Variants in GSG1L observed in about 807,000 individuals in gnomAD.
GSG1L encodes the protein GSG1 like.
GSG1L carries 24 observed loss-of-function variants against 42.1 expected under a neutral mutation model. That is an observed-to-expected ratio of 0.57 (90% CI 0.41 to 0.80). The LOEUF (loss-of-function observed/expected upper bound fraction) is 0.80. Ranked by LOEUF, GSG1L falls within the 30% of genes least tolerant of loss-of-function variation. GSG1L has a pLI of 0.00. For synonymous variants in GSG1L, 215 were observed against 203.5 expected (o/e 1.06, Z -0.48); for missense variants, 445 against 472.2 (o/e 0.94, Z 0.53).
chr16:27,888,512 T>C (rs1429775252), intron 2 of GSG1L, among the ~76,000 whole-genome samples: 27 of 15,824 alleles, frequency 1.7e-3, no homozygotes, highest in Non-Finnish European at 2.2e-3. Context: ...TCTTTCTTTC[T>C]TTCTTTCTTT....
At chr16:27,977,213 G>A (rs1393293315) in intron 1 of GSG1L, among the ~76,000 whole-genome samples, 5 of 152,352 alleles carry the variant, frequency 3.3e-5, no homozygotes, top group African/African-American at 1.2e-4. Flanking sequence ...CTATGTGGCA[G>A]AATCAGGATC....
chr16:28,026,237 A>G (rs1158202921), intron 1 of GSG1L, among the ~76,000 whole-genome samples: 1 of 152,188 alleles, frequency 6.6e-6, no homozygotes, highest in African/African-American at 2.4e-5. Flanking sequence ...AGCACCCGGT[A>G]TATCACGGGA....
intron 1 of GSG1L, among the ~76,000 whole-genome samples, chr16:27,965,917 G>C (rs924391808): frequency 6.6e-6 from 1 of 152,118 alleles, no homozygotes; most frequent in Non-Finnish European, 1.5e-5. Flanking sequence ...CTAAGTCCTC[G>C]CTGTGGCCTG....
intron 2 of GSG1L, among the ~76,000 whole-genome samples, chr16:27,911,720 T>C (rs1350341930): frequency 1.3e-5 from 2 of 152,160 alleles, no homozygotes; most frequent in African/African-American, 4.8e-5. Context: ...TCCACTCCTT[T>C]GATCTTTGCT....
At chr16:27,844,469 G>T (rs1231048106) in intron 4 of GSG1L, among the ~76,000 whole-genome samples, 1 of 151,988 alleles carries the variant, frequency 6.6e-6, no homozygotes, top group Non-Finnish European at 1.5e-5. Context: ...TCTTAGGCAG[G>T]GGTCGGCAGG....
intron 1 of GSG1L, among the ~76,000 whole-genome samples, chr16:28,023,625 G>A (rs1173132148): frequency 6.6e-6 from 1 of 152,174 alleles, no homozygotes; most frequent in Non-Finnish European, 1.5e-5. Flanking sequence ...TTGTCAAAGT[G>A]TTCCTCTTTC....
intron 2 of GSG1L, among the ~76,000 whole-genome samples, chr16:27,921,158 T>C (rs1348487307): frequency 6.6e-6 from 1 of 152,234 alleles, no homozygotes; most frequent in Non-Finnish European, 1.5e-5. Context: ...AATATGCACC[T>C]GCACAGCCAT....
chr16:27,867,395 A>G (rs2083742047), intron 3 of GSG1L, among the ~76,000 whole-genome samples: 1 of 152,182 alleles, frequency 6.6e-6, no homozygotes, highest in Non-Finnish European at 1.5e-5. Flanking sequence ...GACCTGGCAC[A>G]TTGACAAAGA....
chr16:27,956,887 T>C (rs2085011838), intron 2 of GSG1L, among the ~76,000 whole-genome samples: 1 of 152,100 alleles, frequency 6.6e-6, no homozygotes, highest in African/African-American at 2.4e-5. Context: ...TTATTGTTGG[T>C]CTTACTGGCC....
intron 6 of GSG1L, among the ~76,000 whole-genome samples, chr16:27,801,375 T>A (rs976648556): frequency 2.6e-5 from 4 of 152,162 alleles, no homozygotes; most frequent in African/African-American, 9.7e-5. Flanking sequence ...AGCCATCAAA[T>A]GAGATGGCAG....
chr16:27,926,321 C>G (rs1475276301), intron 2 of GSG1L, among the ~76,000 whole-genome samples: 2 of 152,100 alleles, frequency 1.3e-5, no homozygotes, highest in Non-Finnish European at 2.9e-5. Context: ...TAGTCCTGGT[C>G]CCTGCCGTTG....
chr16:27,990,061 T>C lies in GSG1L; in HGVS notation c.350-26858A>G, dbSNP rs375077615. 1.3e-3 allele frequency among the ~76,000 whole-genome samples: 194 copies of C among 152,322 alleles called. 2 individuals are homozygous for C. The South Asian group carries it at 0.034, about 26-fold the overall frequency. Reference sequence around the variant, plus strand: ...AGGCTAGTAGAAACGTCCAGGGCTCTTAATTAGCTGATGTGTTTATGAGGA... The same window carrying C: ...AGGCTAGTAGAAACGTCCAGGGCTCCTAATTAGCTGATGTGTTTATGAGGA... On this transcript the variant is annotated intron_variant, in intron 1 of 6. Transcript: ENST00000447459.
intron 2 of GSG1L, among the ~76,000 whole-genome samples, chr16:27,915,301 A>G (rs12444205): frequency 0.056 from 8,538 of 151,966 alleles, 406 homozygotes; most frequent in East Asian, 0.16. Context: ...GGGGCAGAAG[A>G]GCCAAGGGAG....
intron 2 of GSG1L, among the ~76,000 whole-genome samples, chr16:27,952,639 T>C (rs2084962750): frequency 6.6e-6 from 1 of 152,218 alleles, no homozygotes; most frequent in Non-Finnish European, 1.5e-5. Context: ...TGCTGGGCCA[T>C]AAATGCCAGG....
intron 1 of GSG1L, among the ~76,000 whole-genome samples, chr16:27,963,806 G>A (rs2085097894): frequency 6.6e-6 from 1 of 152,094 alleles, no homozygotes; most frequent in Admixed American, 6.6e-5. Flanking sequence ...TCCCGCTGTT[G>A]TAACTCTCAC....
At chr16:27,992,976 G>C (rs4788026) in intron 1 of GSG1L, among the ~76,000 whole-genome samples, 113,379 of 152,120 alleles carry the variant, frequency 0.75, 42,428 homozygotes, top group South Asian at 0.87. Flanking sequence ...TATTGAGAAC[G>C]TACTATGTGC....
chr16:28,059,095 A>G lies in GSG1L; in HGVS notation c.349+3981T>C, dbSNP rs576199259. Reference sequence around the variant, plus strand: ...CGGCAACACCGAGGTGGTGCTCCCCACTCCCTGCCCTACGTCACCAAATCC... The same window carrying G: ...CGGCAACACCGAGGTGGTGCTCCCCGCTCCCTGCCCTACGTCACCAAATCC... On this transcript the variant is annotated intron_variant, in intron 1 of 6. Coordinates refer to ENST00000447459, the MANE Select transcript of GSG1L (RefSeq NM_001109763.2). This position sits in a 1 kb window ranked among gnomAD's most constrained non-coding sequence, Gnocchi z 4.4. Among the ~76,000 whole-genome samples, 74 of 152,024 alleles carry G rather than the reference A, an allele frequency of 4.9e-4. 1 individual carries two copies. Among genetic ancestry groups the G allele is most frequent in the African/African-American group, 1.7e-3 (69 of 41,470 alleles).
chr16:27,907,272 T>C (rs953313598), intron 2 of GSG1L, among the ~76,000 whole-genome samples: 6 of 152,208 alleles, frequency 3.9e-5, no homozygotes, highest in Admixed American at 6.5e-5. Context: ...AGAGAATGGC[T>C]GACTCTTAAG....
chr16:28,001,467 T>C (rs1187511751), intron 1 of GSG1L, among the ~76,000 whole-genome samples: 1 of 152,208 alleles, frequency 6.6e-6, no homozygotes, highest in Non-Finnish European at 1.5e-5. Flanking sequence ...ATGAAATATG[T>C]CAAGGGACCA....
Sources: allele counts gnomAD v4.1 joint callset (sites outside exome capture counted in the v4.1 genomes callset), GRCh38; gene constraint gnomAD v4.1.1; non-coding constraint Gnocchi (gnomAD v3.1); transcripts MANE v1.5; gene names NCBI Gene and HGNC (gene_info 2026-07-23, HGNC 2026-07-21).